The following PSD3 variants were observed in gnomAD, a reference collection of about 807,000 sequenced individuals.
PSD3 encodes the protein pleckstrin and Sec7 domain containing 3.
In PSD3, 49 loss-of-function variants were observed where a neutral mutation model predicts 105.5. That is an observed-to-expected ratio of 0.46 (90% CI 0.37 to 0.59). The LOEUF is 0.59. PSD3 is among the 20% of genes least tolerant of loss of function. The pLI, the probability that PSD3 is intolerant of heterozygous loss-of-function variation, is 0.00. For missense variants in PSD3, 1,561 were observed against 1,263.8 expected (o/e 1.24, Z -3.57); for synonymous variants, 557 against 457.8 (o/e 1.22, Z -2.77).
intron 10 of PSD3, among the ~76,000 whole-genome samples, chr8:18,648,548 CA>C (rs1204429965): frequency 1.3e-5 from 2 of 152,184 alleles, no homozygotes; most frequent in Non-Finnish European, 2.9e-5. Context: ...AAATAAATGA[CA>C]TAAAACTGGA....
chr8:18,706,265 A>G (rs1340138365), intron 9 of PSD3, among the ~76,000 whole-genome samples: 2 of 152,204 alleles, frequency 1.3e-5, no homozygotes, highest in African/African-American at 2.4e-5. Flanking sequence ...GTTCTTTGTT[A>G]CTCAGAAAAG....
intron 10 of PSD3, among the ~76,000 whole-genome samples, chr8:18,638,232 G>A (rs1228090437): frequency 2.0e-5 from 3 of 148,792 alleles, no homozygotes; most frequent in African/African-American, 7.4e-5. Flanking sequence ...AAGGTGGAAT[G>A]TTTTTCCTCT....
At chr8:19,040,616 A>G (rs1828089907) in intron 1 of PSD3, among the ~76,000 whole-genome samples, 2 of 152,200 alleles carry the variant, frequency 1.3e-5, no homozygotes, top group Non-Finnish European at 2.9e-5. Context: ...AGAATAAAGC[A>G]CGGGCGTTGG....
At chr8:18,801,912 T>C (rs11994526) in intron 6 of PSD3, among the ~76,000 whole-genome samples, 25,878 of 152,026 alleles carry the variant, frequency 0.17, 2,417 homozygotes, top group Middle Eastern at 0.26. Flanking sequence ...GGAAGGTAGG[T>C]AATTTCCTCA....
chr8:18,701,604 G>A (rs550399401), intron 9 of PSD3, among the ~76,000 whole-genome samples: 73 of 152,296 alleles, frequency 4.8e-4, no homozygotes, highest in African/African-American at 1.6e-3. Context: ...GTCTTCCATT[G>A]TTGAAGGAAA....
At position 18,779,279 on chromosome 8, in the gene PSD3, G is replaced by C. The variant is rs567303754; in HGVS notation, c.2083-13741C>G. Among the ~76,000 whole-genome samples, 14 of 151,904 alleles carry C rather than the reference G, an allele frequency of 9.2e-5. No individual in the cohort carries two copies. In the South Asian group the frequency reaches 1.7e-3, roughly 18 times the overall value. ...TCTCTAACAATCTTCTATTTTTGTG[G>C]GATATAAGTTTTACTGTCTCCTTTT... On this transcript the variant is annotated intron_variant, in intron 8 of 15. Transcript: ENST00000327040.
intron 2 of PSD3, among the ~76,000 whole-genome samples, chr8:18,908,853 C>T (rs187507215): frequency 1.1e-4 from 16 of 152,226 alleles, no homozygotes; most frequent in African/African-American, 3.1e-4. Flanking sequence ...TTATTTCCTG[C>T]CCTCCCCTTT....
intron 2 of PSD3, among the ~76,000 whole-genome samples, chr8:18,910,932 C>CAAAAAAAAAAAAAAA (rs1306913309): frequency 6.8e-6 from 1 of 147,962 alleles, no homozygotes; most frequent in Admixed American, 6.8e-5. Context: ...ACATAAAATT[C>CAAAAAAAAAAAAAAA]AAAAAAATAA....
At chr8:18,588,507 A>C (rs150954407) in intron 12 of PSD3, among the ~76,000 whole-genome samples, 1 of 152,156 alleles carries the variant, frequency 6.6e-6, no homozygotes, top group East Asian at 1.9e-4. Context: ...CTATGCTAGC[A>C]TTCTTATGAT....
chr8:18,531,337 T>C lies in PSD3; in HGVS notation c.*4406A>G, dbSNP rs987649872. 1 of 152,654 alleles carries C rather than the reference T, an allele frequency of 6.6e-6. No individual in the cohort carries two copies. The highest frequency in any genetic ancestry group is 6.5e-5 in the Admixed American group (1 of 15,290). The allele number at this position is 152,654 out of a possible 1,614,324, so 9.5% of individuals were successfully genotyped here. On this transcript the variant is annotated 3_prime_UTR_variant, in exon 16 of 16. Coordinates refer to ENST00000327040, the MANE Select transcript of PSD3 (RefSeq NM_015310.4). ...TCTCTGCATGCAATGGGCCAATTAT[T>C]GTCATAAGCAGAAGGCTGCCCACGT...
intron 8 of PSD3, among the ~76,000 whole-genome samples, chr8:18,797,231 C>T (rs536497901): frequency 6.6e-6 from 1 of 152,210 alleles, no homozygotes; most frequent in South Asian, 2.1e-4. Context: ...AAGTATATCG[C>T]ACACATTTTT....
intron 4 of PSD3, among the ~76,000 whole-genome samples, chr8:18,817,027 C>A (rs1299125554): frequency 6.6e-6 from 1 of 152,102 alleles, no homozygotes; most frequent in Non-Finnish European, 1.5e-5. Flanking sequence ...AAATGCAGGC[C>A]TGGGCAAGAT....
intron 4 of PSD3, among the ~76,000 whole-genome samples, chr8:18,840,415 G>A (rs536346239): frequency 3.9e-5 from 6 of 152,324 alleles, no homozygotes; most frequent in Non-Finnish European, 7.3e-5. Flanking sequence ...TACTCAAGCT[G>A]AGAAAAACAT....
chr8:19,018,533 G>A (rs530592588), upstream of PSD3, among the ~76,000 whole-genome samples: 16 of 152,278 alleles, frequency 1.1e-4, no homozygotes, highest in South Asian at 3.1e-3. Flanking sequence ...CAAGAGAAAT[G>A]TTCCAATAGT....
intron 1 of PSD3, among the ~76,000 whole-genome samples, chr8:19,070,469 A>G (rs1436442469): frequency 2.0e-5 from 3 of 152,084 alleles, no homozygotes; most frequent in South Asian, 4.1e-4. Context: ...TGAGGTCAGG[A>G]GTTCAAGACC....
At chr8:18,911,819 A>G (rs1820243557) in intron 2 of PSD3, among the ~76,000 whole-genome samples, 1 of 152,158 alleles carries the variant, frequency 6.6e-6, no homozygotes, top group Non-Finnish European at 1.5e-5. Flanking sequence ...ATCACTAGTC[A>G]TCATGAACAC....
intron 12 of PSD3, among the ~76,000 whole-genome samples, chr8:18,585,619 C>T (rs1803121437): frequency 6.6e-6 from 1 of 152,062 alleles, no homozygotes; most frequent in African/African-American, 2.4e-5. Context: ...TGCCCAACCA[C>T]ACCAGACACT....
At chr8:19,009,978 A>G (rs1239084917) in intron 1 of PSD3, among the ~76,000 whole-genome samples, 1 of 152,230 alleles carries the variant, frequency 6.6e-6, no homozygotes, top group Non-Finnish European at 1.5e-5. Context: ...ACCATGTAAG[A>G]AAAGAACACC....
At chr8:18,969,394 T>A (rs765455403) in intron 1 of PSD3, among the ~76,000 whole-genome samples, 1 of 152,214 alleles carries the variant, frequency 6.6e-6, no homozygotes, top group Non-Finnish European at 1.5e-5. Context: ...TCACGTTCAA[T>A]TGCATAGAAA....
Sources: gnomAD v4.1 joint callset for allele counts (sites outside exome capture counted in the v4.1 genomes callset) on GRCh38, gnomAD v4.1.1 for gene constraint, MANE v1.5 for transcripts, NCBI Gene and HGNC (gene_info 2026-07-23, HGNC 2026-07-21) for gene names.